The following MAP7 variants were observed in gnomAD, a reference collection of about 807,000 sequenced individuals.
MAP7 encodes ensconsin.
A neutral mutation model predicts 94.8 loss-of-function variants in MAP7; 52 were observed. The ratio of observed to expected loss-of-function variants is 0.55; its 90% CI spans 0.44 to 0.69. The LOEUF (loss-of-function observed/expected upper bound fraction) is 0.69, where lower values mean the gene tolerates loss of function less well. Ranked by LOEUF, MAP7 falls within the 30% of genes least tolerant of loss-of-function variation. The pLI is 0.00. For synonymous variants in MAP7, 350 were observed against 357.0 expected (o/e 0.98, Z 0.22); for missense variants, 940 against 964.6 (o/e 0.97, Z 0.34).
intron 1 of MAP7, among the ~76,000 whole-genome samples, chr6:136,502,613 C>CCCTGGTTGTTTTTTA (rs1157014202): frequency 1.3e-5 from 2 of 152,090 alleles, no homozygotes; most frequent in Non-Finnish European, 2.9e-5. Context: ...CATCAGATAC[C>CCCTGGTTGTTTTTTA]CCTGGGAAAT....
intron 1 of MAP7, among the ~76,000 whole-genome samples, chr6:136,541,623 T>G (rs1829326485): frequency 6.6e-6 from 1 of 152,226 alleles, no homozygotes; most frequent in Non-Finnish European, 1.5e-5. Flanking sequence ...CTCTGTGCCA[T>G]CTGGTCAGGT....
At chr6:136,534,316 G>T (rs1430062888) in intron 1 of MAP7, among the ~76,000 whole-genome samples, 2 of 152,198 alleles carry the variant, frequency 1.3e-5, no homozygotes, top group Non-Finnish European at 2.9e-5. Flanking sequence ...CAGTCTTAAG[G>T]CAGACTTCCT....
chr6:136,442,561 G>A (rs1271804570), intron 1 of MAP7, among the ~76,000 whole-genome samples: 1 of 152,144 alleles, frequency 6.6e-6, no homozygotes, highest in African/African-American at 2.4e-5. Context: ...CAGACCCGCT[G>A]AGCTGCAATC....
intron 4 of MAP7, among the ~76,000 whole-genome samples, chr6:136,388,817 C>T (rs116330092): frequency 2.2e-3 from 328 of 152,272 alleles, no homozygotes; most frequent in African/African-American, 7.4e-3. Flanking sequence ...TTAGCTTCAA[C>T]TGATGCTTAT....
At chr6:136,348,011 G>GC (rs58157708) in intron 16 of MAP7, among the ~76,000 whole-genome samples, 2,097 of 136,888 alleles carry the variant, frequency 0.015, 17 homozygotes, top group Non-Finnish European at 0.017. Flanking sequence ...ATGTGCACAT[G>GC]CCCCCCCCCC....
rs758554935 is a variant in MAP7, at chr6:136,366,029, A to G, written c.990-11T>C. 1.2e-6 allele frequency: 2 copies of G among 1,603,136 alleles called. No homozygotes were observed. The highest frequency in any genetic ancestry group is 1.7e-6 in the Non-Finnish European group (2 of 1,177,176). On this transcript the variant is annotated splice_polypyrimidine_tract_variant and intron_variant, in intron 9 of 17. Coordinates refer to ENST00000354570, the MANE Select transcript of MAP7 (RefSeq NM_003980.6). ...GACTTGGACGGAAGCCTGGGCCACA[A>G]ACAAACAAGGCAGACAAAAGGGGAC... is the stretch of plus-strand genomic sequence containing the variant.
chr6:136,515,498 T>C (rs112782901), intron 1 of MAP7, among the ~76,000 whole-genome samples: 4 of 152,374 alleles, frequency 2.6e-5, no homozygotes, highest in Middle Eastern at 3.4e-3. Flanking sequence ...TAATCATTTC[T>C]AGCTTTTGAT....
chr6:136,475,664 A>T (rs1047753083), intron 1 of MAP7, among the ~76,000 whole-genome samples: 3 of 152,242 alleles, frequency 2.0e-5, no homozygotes, highest in African/African-American at 7.2e-5. Context: ...GAATTTTATT[A>T]TCAAAAATTA....
rs1388201428 is a variant in MAP7 at position 136,342,822 on chromosome 6, A to G, written c.*1406T>C. On this transcript the variant is annotated 3_prime_UTR_variant, in exon 18 of 18. Coordinates refer to ENST00000354570, the MANE Select transcript of MAP7 (RefSeq NM_003980.6). Reference sequence around the variant, plus strand: ...GTTTGTTGAACAGATTTCTTTTCTAATATAATGACTATGTGTACATGGACA... The same window carrying G: ...GTTTGTTGAACAGATTTCTTTTCTAGTATAATGACTATGTGTACATGGACA... 1 of 152,232 alleles carries G rather than the reference A, an allele frequency of 6.6e-6. No homozygotes were observed. Among genetic ancestry groups the G allele is most frequent in the East Asian group, 1.9e-4 (1 of 5,196 alleles). The allele number at this position is 152,232 out of a possible 1,614,324, so 9.4% of individuals were successfully genotyped here.
chr6:136,371,303 G>A (rs1469647696), intron 8 of MAP7, among the ~76,000 whole-genome samples: 4 of 152,160 alleles, frequency 2.6e-5, no homozygotes, highest in Non-Finnish European at 5.9e-5. Context: ...TGCCCAGTGA[G>A]TACCCAACTT....
chr6:136,483,083 A>G (rs1813421509), intron 1 of MAP7, among the ~76,000 whole-genome samples: 1 of 147,058 alleles, frequency 6.8e-6, no homozygotes, highest in South Asian at 2.1e-4. Context: ...TTGTATATAT[A>G]TTTGTGACCA....
intron 11 of MAP7, among the ~76,000 whole-genome samples, chr6:136,361,871 A>G (rs181722393): frequency 2.0e-3 from 305 of 152,314 alleles, no homozygotes; most frequent in Middle Eastern, 0.01. Flanking sequence ...CCTTAATGTG[A>G]TAATTACAAA....
At chr6:136,405,258 G>A (rs1045535907) in intron 3 of MAP7, among the ~76,000 whole-genome samples, 2 of 152,132 alleles carry the variant, frequency 1.3e-5, no homozygotes, top group African/African-American at 2.4e-5. Context: ...CCGGGGCAGG[G>A]GGCCAACAGA....
chr6:136,479,076 T>C (rs1811940375), intron 1 of MAP7, among the ~76,000 whole-genome samples: 1 of 148,730 alleles, frequency 6.7e-6, no homozygotes, highest in Non-Finnish European at 1.5e-5. Context: ...GAAAACAAAC[T>C]ACAGGCCAAG....
chr6:136,549,434 A>G (rs1241716362), intron 1 of MAP7, among the ~76,000 whole-genome samples: 3 of 152,186 alleles, frequency 2.0e-5, no homozygotes, highest in Non-Finnish European at 4.4e-5. Flanking sequence ...CTCTGGAGAA[A>G]AAAAAATCAC....
intron 1 of MAP7, among the ~76,000 whole-genome samples, chr6:136,479,486 T>C (rs993557517): frequency 2.0e-5 from 3 of 152,198 alleles, no homozygotes; most frequent in African/African-American, 2.4e-5. Context: ...TCATTCAACA[T>C]AGTACTGGAA....
At chr6:136,543,951 A>G (rs1035876828) in intron 1 of MAP7, among the ~76,000 whole-genome samples, 5 of 152,174 alleles carry the variant, frequency 3.3e-5, no homozygotes, top group African/African-American at 1.2e-4. Context: ...AGAAGGTGTC[A>G]TGCTCTGTTG....
At position 136,546,649 on chromosome 6, in the gene MAP7, T is replaced by C. The variant is rs1008488739; in HGVS notation, c.67+3693A>G. On this transcript the variant is annotated intron_variant, in intron 1 of 17. Coordinates refer to ENST00000354570, the MANE Select transcript of MAP7 (RefSeq NM_003980.6). ...CCTGCAACTGTTTGTTGGTGAATTT[T>C]GTCTTCCTTGCTAAATTCAAGGATC... Among the ~76,000 whole-genome samples the C allele has an allele frequency of 1.3e-5, 2 of 152,216 alleles. 1 individual carries two copies. The highest frequency in any genetic ancestry group is 4.8e-5 in the African/African-American group (2 of 41,462).
intron 1 of MAP7, among the ~76,000 whole-genome samples, chr6:136,425,248 C>A (rs1430446460): frequency 6.6e-6 from 1 of 152,178 alleles, no homozygotes; most frequent in Non-Finnish European, 1.5e-5. Context: ...TTTTGGACTA[C>A]AACTGACCGT....
Sources: allele counts gnomAD v4.1 joint callset (sites outside exome capture counted in the v4.1 genomes callset), GRCh38; gene constraint gnomAD v4.1.1; transcripts MANE v1.5; gene names NCBI Gene and HGNC (gene_info 2026-07-23, HGNC 2026-07-21).